The following ANXA8 variants were observed in gnomAD, a reference collection of about 807,000 sequenced individuals.
ANXA8 encodes the protein VAC-beta.
Under a neutral mutation model 26.8 loss-of-function variants are expected in ANXA8, and 9 were observed. The observed-to-expected ratio is 0.34, with a 90% CI of 0.20 to 0.59. ANXA8 has a LOEUF of 0.59. Among genes scored for constraint, ANXA8 ranks in the 20% least tolerant of loss-of-function variants. The probability of loss-of-function intolerance (pLI) is 0.84; values close to 1 mark genes in which losing one functional copy is unlikely to be tolerated. For missense variants in ANXA8, 83 were observed against 238.5 expected (o/e 0.35, Z 4.29); for synonymous variants, 39 against 94.8 (o/e 0.41, Z 3.42).
chr10:47,739,555 C>T, the ANXA8 span, among the ~76,000 whole-genome samples: 1 of 54,786 alleles, frequency 1.8e-5, no homozygotes. Flanking sequence ...AGCAGGTCAG[C>T]AAATTCTTCA....
At chr10:47,528,331 G>A in the ANXA8 span, among the ~76,000 whole-genome samples, 1 of 138,496 alleles carries the variant, frequency 7.2e-6, no homozygotes, top group Middle Eastern at 3.8e-3. Context: ...CGCCTGTCTC[G>A]GCCTCCCAAA....
the ANXA8 span, among the ~76,000 whole-genome samples, chr10:47,580,378 C>T: frequency 6.6e-6 from 1 of 152,284 alleles, no homozygotes; most frequent in Non-Finnish European, 1.5e-5. Context: ...GCATATGGAA[C>T]ATTCCCCATG....
the ANXA8 span, chr10:47,501,782 T>G: frequency 2.2e-6 from 1 of 445,104 alleles, no homozygotes; most frequent in Admixed American, 4.2e-5. Context: ...TTATGAAATT[T>G]TTTTTCAAAT....
At chr10:47,957,102 T>A in the ANXA8 span, among the ~76,000 whole-genome samples, 3 of 150,294 alleles carry the variant, frequency 2.0e-5, no homozygotes, top group African/African-American at 7.5e-5. Context: ...TGATTGGGTA[T>A]AATCATGCTC....
the ANXA8 span, chr10:47,491,821 G>T: frequency 1.5e-6 from 1 of 684,324 alleles, no homozygotes; most frequent in Admixed American, 2.8e-5. Context: ...CAGTGAGGGC[G>T]GCAGCAGGAA....
At chr10:47,694,103 A>G in the ANXA8 span, among the ~76,000 whole-genome samples, 2 of 151,726 alleles carry the variant, frequency 1.3e-5, no homozygotes, top group Non-Finnish European at 2.9e-5. Context: ...TAACATCTCT[A>G]TAGTTGTTAA....
At chr10:47,709,393 G>A in the ANXA8 span, among the ~76,000 whole-genome samples, 116 of 150,862 alleles carry the variant, frequency 7.7e-4, 1 homozygote, top group African/African-American at 2.6e-3. Context: ...ACGTACTCAA[G>A]CATACTTCTC....
the ANXA8 span, among the ~76,000 whole-genome samples, chr10:47,561,874 G>A: frequency 2.0e-5 from 3 of 151,030 alleles, no homozygotes; most frequent in Admixed American, 2.0e-4. Context: ...GCAGGAAAGT[G>A]GGAGTGAGAA....
the ANXA8 span, chr10:47,502,761 G>A: frequency 1.6e-5 from 26 of 1,589,948 alleles, no homozygotes; most frequent in Admixed American, 3.4e-5. Context: ...TGGTCAGCTG[G>A]GACTTGCTTT....
the ANXA8 span, among the ~76,000 whole-genome samples, chr10:47,609,168 C>A: frequency 1.1e-3 from 166 of 144,596 alleles, 3 homozygotes; most frequent in African/African-American, 4.5e-3. Context: ...TGCTTTATTT[C>A]AAAGAATGCA....
chr10:47,659,142 A>AACCACT, the ANXA8 span, among the ~76,000 whole-genome samples: 1 of 151,804 alleles, frequency 6.6e-6, no homozygotes, highest in African/African-American at 2.4e-5. Flanking sequence ...AAGTGCTGGG[A>AACCACT]TTACAGGTGT....
the ANXA8 span, among the ~76,000 whole-genome samples, chr10:47,888,992 G>A: frequency 0.48 from 49,693 of 103,574 alleles, 11,390 homozygotes; most frequent in South Asian, 0.59. Context: ...ATGTGTGTGT[G>A]TGTGTGTGTG....
chr10:47,693,098 A>G, the ANXA8 span, among the ~76,000 whole-genome samples: 1 of 151,698 alleles, frequency 6.6e-6, no homozygotes, highest in African/African-American at 2.4e-5. Flanking sequence ...TTTAAAATTG[A>G]CACATGGTGT....
chr10:47,905,808 C>T, the ANXA8 span, among the ~76,000 whole-genome samples: 1 of 138,328 alleles, frequency 7.2e-6, no homozygotes, highest in Non-Finnish European at 1.5e-5. Flanking sequence ...GCTTTTCCCA[C>T]AAAGAGTCTA....
chr10:47,704,448 A>C, the ANXA8 span, among the ~76,000 whole-genome samples: 85 of 147,554 alleles, frequency 5.8e-4, 1 homozygote, highest in Non-Finnish European at 1.1e-3. Flanking sequence ...TATCATCCTA[A>C]TTGGAAAAAT....
At chr10:47,518,469 TG>T in the ANXA8 span, among the ~76,000 whole-genome samples, 1 of 131,286 alleles carries the variant, frequency 7.6e-6, no homozygotes, top group Non-Finnish European at 1.6e-5. Context: ...TCGAGTGCAG[TG>T]GTGGGATCTC....
the ANXA8 span, among the ~76,000 whole-genome samples, chr10:47,560,393 G>T: frequency 6.6e-6 from 1 of 151,706 alleles, no homozygotes; most frequent in African/African-American, 2.4e-5. Context: ...TTTATGTGTG[G>T]GAGAAGAAAT....
the ANXA8 span, among the ~76,000 whole-genome samples, chr10:47,737,236 C>T: frequency 2.0e-4 from 30 of 151,228 alleles, no homozygotes; most frequent in Admixed American, 4.7e-4. Context: ...TTATGGCATG[C>T]CTAGATAGCT....
chr10:47,776,815 T>C, the ANXA8 span, among the ~76,000 whole-genome samples: 1 of 151,812 alleles, frequency 6.6e-6, no homozygotes, highest in African/African-American at 2.4e-5. Flanking sequence ...TTAAGCAAGA[T>C]AGAAGTTTCT....
Sources: allele counts gnomAD v4.1 joint callset (sites outside exome capture counted in the v4.1 genomes callset), GRCh38; gene constraint gnomAD v4.1.1; transcripts MANE v1.5; gene names NCBI Gene and HGNC (gene_info 2026-07-23, HGNC 2026-07-21).